Variants in DDX1 observed in about 807,000 individuals in gnomAD.
DDX1 encodes the protein ATP-dependent RNA helicase DDX1.
In DDX1, 28 loss-of-function variants were observed where a neutral mutation model predicts 108.7. That is an observed-to-expected ratio of 0.26 (90% CI 0.19 to 0.35). DDX1 has a LOEUF of 0.35. Ranked by LOEUF, DDX1 falls within the 10% of genes least tolerant of loss-of-function variation. The probability of loss-of-function intolerance (pLI) is 1.00; values close to 1 mark genes in which losing one functional copy is unlikely to be tolerated. For synonymous variants in DDX1, 295 were observed against 288.9 expected (o/e 1.02, Z -0.21); for missense variants, 710 against 884.5 (o/e 0.80, Z 2.50).
chr2:15,628,334 A>G, intron 20 of DDX1, 111 bp from the exon 21 acceptor site: 1 of 769,986 alleles, frequency 1.3e-6, no homozygotes, highest in Non-Finnish European at 2.2e-6. Context: ...CTCTAATCTG[A>G]TAGTAACACT....
intron 11 of DDX1, 35 bp from the exon 12 acceptor site, chr2:15,606,115 T>C: frequency 3.2e-6 from 5 of 1,586,582 alleles, no homozygotes; most frequent in Non-Finnish European, 4.3e-6. Context: ...TCAATTAGGG[T>C]AGGAATTTTA....
chr2:15,601,675 CTTT>C (rs940307956), intron 6 of DDX1, among the ~76,000 whole-genome samples: 10 of 152,156 alleles, frequency 6.6e-5, no homozygotes, highest in Admixed American at 4.6e-4. Flanking sequence ...TCCTAGATAA[CTTT>C]TTAAAAGTTC....
rs2148750637 is a variant in DDX1 at position 15,628,785 on chromosome 2, A to C, written c.1833-12A>C. The C allele has an allele frequency of 6.2e-7, 1 of 1,613,764 alleles. No homozygotes were observed. The highest frequency in any genetic ancestry group is 1.1e-5 in the South Asian group (1 of 91,066). On this transcript the variant is annotated splice_polypyrimidine_tract_variant and intron_variant, in intron 22 of 25. Coordinates refer to ENST00000233084, the MANE Select transcript of DDX1 (RefSeq NM_004939.3). The stretch of plus-strand genomic sequence containing the variant: ...AATAAAGTCTAATAGAAGGCTTTTA[A>C]CCATCTTTCAGGATGGGTCTGGCAA...
intron 13 of DDX1, among the ~76,000 whole-genome samples, chr2:15,609,761 A>G (rs1665724012): frequency 6.6e-6 from 1 of 152,204 alleles, no homozygotes; most frequent in Non-Finnish European, 1.5e-5. Context: ...AAAAAAAATG[A>G]TAGTTTAGGA....
At chr2:15,626,255 G>T (rs1339501348) in intron 19 of DDX1, among the ~76,000 whole-genome samples, 1 of 152,204 alleles carries the variant, frequency 6.6e-6, no homozygotes, top group Non-Finnish European at 1.5e-5. Context: ...CCACTTGAAT[G>T]CAGGATGCAA....
rs58811920 is a variant in DDX1 at position 15,616,062 on chromosome 2, T to TTGTGTG, written c.1018-1162_1018-1157dup. Among the ~76,000 whole-genome samples the TTGTGTG allele has an allele frequency of 8.4e-3, 1,245 of 148,964 alleles. 12 individuals are homozygous for TTGTGTG. Among genetic ancestry groups the TTGTGTG allele is most frequent in the African/African-American group, 0.017 (679 of 40,364 alleles). ...TGCACGCCGCCATGCCCGGCTAATTTTGTGTGTGTGTGTGTGTGTGTGTGT... is the reference window on the plus strand; with the variant it reads ...TGCACGCCGCCATGCCCGGCTAATTTTGTGTGTGTGTGTGTGTGTGTGTGTGTGTGT... On this transcript the variant is annotated intron_variant, in intron 14 of 25. Transcript: ENST00000233084.
rs1051040398 is a variant in DDX1, at chr2:15,608,233, A to G, written c.956+920A>G. On this transcript the variant is annotated intron_variant, in intron 13 of 25. Transcript: ENST00000233084. Reference sequence around the variant, plus strand: ...CACACACCATAAAACTCATTATTTGAAAGTGCACAATTCAGCCAGGTGTGG... The same window carrying G: ...CACACACCATAAAACTCATTATTTGGAAGTGCACAATTCAGCCAGGTGTGG... Among the ~76,000 whole-genome samples, 5 of 152,298 alleles carry G rather than the reference A, an allele frequency of 3.3e-5. No homozygotes were observed. In the East Asian group the frequency reaches 7.7e-4, roughly 23 times the overall value.
At chr2:15,623,395 T>C (rs1055604061) in intron 18 of DDX1, 41 bp from the exon 19 acceptor site, 1 of 1,604,628 alleles carries the variant, frequency 6.2e-7, no homozygotes, top group Non-Finnish European at 8.5e-7. Flanking sequence ...CAAGTTCAGA[T>C]TGAAATTCTG....
chr2:15,600,201 T>C (rs563937527), intron 6 of DDX1, among the ~76,000 whole-genome samples: 23 of 152,350 alleles, frequency 1.5e-4, no homozygotes, highest in Middle Eastern at 3.4e-3. Context: ...CAGTCCTCCT[T>C]CTTGGGGTTA....
intron 6 of DDX1, among the ~76,000 whole-genome samples, chr2:15,601,341 A>T (rs1665586607): frequency 6.6e-6 from 1 of 152,204 alleles, no homozygotes; most frequent in South Asian, 2.1e-4. Context: ...CACCGTCTTC[A>T]TGAAGATAGC....
chr2:15,628,798 A>T lies in DDX1; in HGVS notation c.1834A>T (p.Met612Leu), dbSNP rs1666142951. The change falls in exon 23 of 26, where the codon ATG becomes TTG. Residue 612 changes from methionine (M) to leucine (L), a missense_variant and splice_region_variant. Transcript: ENST00000233084. ...RIGRVGRAER[M>L]GLAISLVATE... Reference sequence around the variant, plus strand: ...AGAAGGCTTTTAACCATCTTTCAGGATGGGTCTGGCAATTTCCCTGGTGGC... The same window carrying T: ...AGAAGGCTTTTAACCATCTTTCAGGTTGGGTCTGGCAATTTCCCTGGTGGC... The T allele has an allele frequency of 6.2e-7, 1 of 1,613,676 alleles. No individual in the cohort carries two copies. The highest frequency in any genetic ancestry group is 1.7e-5 in the Admixed American group (1 of 59,972).
rs1666138916 is a variant in DDX1 at position 15,628,524 on chromosome 2, A to G, written c.1759+7A>G. 6.2e-7 allele frequency: 1 copy of G among 1,612,228 alleles called. No homozygotes were observed. The highest frequency in any genetic ancestry group is 1.1e-5 in the South Asian group (1 of 91,038). Reference sequence around the variant, plus strand: ...ATCCACGGTGTTCCTTATGGTAAAAAGCAACTTTTTATGCCTGTAGTGTGA... The same window carrying G: ...ATCCACGGTGTTCCTTATGGTAAAAGGCAACTTTTTATGCCTGTAGTGTGA... On this transcript the variant is annotated splice_region_variant and intron_variant, in intron 21 of 25. Coordinates refer to ENST00000233084, the MANE Select transcript of DDX1 (RefSeq NM_004939.3).
At chr2:15,603,414 C>T (rs554196675) in intron 8 of DDX1, 139 bp downstream of exon 8, 1 of 648,972 alleles carries the variant, frequency 1.5e-6, no homozygotes, top group South Asian at 2.0e-5. Flanking sequence ...ATCTGTACCC[C>T]ACCCTGTTCC....
chr2:15,625,576 T>C (rs1421016459), intron 19 of DDX1, among the ~76,000 whole-genome samples: 1 of 152,172 alleles, frequency 6.6e-6, no homozygotes, highest in East Asian at 1.9e-4. Context: ...TAGGTAGATA[T>C]GTGGTTAAAG....
chr2:15,605,923 A>G, intron 10 of DDX1, 27 bp from the exon 11 acceptor site: 10 of 1,357,632 alleles, frequency 7.4e-6, no homozygotes, highest in Non-Finnish European at 9.0e-6. Flanking sequence ...GATTGTTTTA[A>G]TCTCTCTCTC....
At chr2:15,622,673 G>A (rs116458221) in intron 18 of DDX1, among the ~76,000 whole-genome samples, 130 of 152,280 alleles carry the variant, frequency 8.5e-4, no homozygotes, top group Middle Eastern at 3.4e-3. Flanking sequence ...TATCCTTATT[G>A]TTGGAGAAGA....
chr2:15,627,675 C>T (rs1666123681), intron 20 of DDX1: 1 of 152,690 alleles, frequency 6.5e-6, no homozygotes, highest in Admixed American at 6.5e-5. Context: ...AGATCGGTAA[C>T]CTGTCTACCT....
chr2:15,601,934 G>A (rs1397931533), intron 6 of DDX1, among the ~76,000 whole-genome samples: 2 of 152,146 alleles, frequency 1.3e-5, no homozygotes, highest in African/African-American at 4.8e-5. Flanking sequence ...ATGATGTATA[G>A]TATAGAATAT....
In DDX1 at chr2:15,628,623, G is replaced by A. The variant is rs1666140235; in HGVS notation, c.1760-15G>A. The A allele has an allele frequency of 6.2e-7, 1 of 1,605,948 alleles. No individual in the cohort carries two copies. On this transcript the variant is annotated splice_polypyrimidine_tract_variant and intron_variant, in intron 21 of 25. Transcript: ENST00000233084. ...GAAACTACTGGCAATTGTTAATAAT[G>A]GTTTTTATTTATAGTTATAAATGTC...
Sources: gnomAD v4.1 joint callset for allele counts (sites outside exome capture counted in the v4.1 genomes callset) on GRCh38, gnomAD v4.1.1 for gene constraint, MANE v1.5 for transcripts, NCBI Gene and HGNC (gene_info 2026-07-23, HGNC 2026-07-21) for gene names.